Variants in FERMT1 observed in about 807,000 individuals in gnomAD.
FERMT1 encodes the protein fermitin family homolog 1.
In FERMT1, 60 loss-of-function variants were observed where a neutral mutation model predicts 85.3. That is an observed-to-expected ratio of 0.70 (90% confidence interval 0.57 to 0.87). The LOEUF (loss-of-function observed/expected upper bound fraction) is 0.87, where lower values mean the gene tolerates loss of function less well. Ranked by LOEUF, FERMT1 falls within the 40% of genes least tolerant of loss-of-function variation. FERMT1 has a pLI of 0.00. For missense variants in FERMT1, 701 were observed against 818.9 expected, an observed-to-expected ratio of 0.86 and a Z score of 1.76; for synonymous variants, 275 against 301.1, an observed-to-expected ratio of 0.91 and a Z score of 0.90.
chr20:6,111,334 G>A (rs1182001753), intron 4 of FERMT1, among the ~76,000 whole-genome samples: 1 of 152,176 alleles, frequency 6.6e-6, no homozygotes, highest in Non-Finnish European at 1.5e-5. Flanking sequence ...CACTATGCAA[G>A]AAAGCCCTCA....
chr20:6,082,233 C>T (rs766269324), intron 13 of FERMT1, among the ~76,000 whole-genome samples: 1 of 152,194 alleles, frequency 6.6e-6, no homozygotes, highest in African/African-American at 2.4e-5. Flanking sequence ...GAAAGTTGTT[C>T]AGGCCCACAC....
chr20:6,116,493 C>G (rs938461432), intron 2 of FERMT1, among the ~76,000 whole-genome samples: 1 of 152,062 alleles, frequency 6.6e-6, no homozygotes, highest in Non-Finnish European at 1.5e-5. Context: ...CTTTGGGAGG[C>G]TGATGCAAGC....
At chr20:6,113,572 G>A (rs1041626947) in intron 3 of FERMT1, among the ~76,000 whole-genome samples, 2 of 152,110 alleles carry the variant, frequency 1.3e-5, no homozygotes, top group Admixed American at 6.6e-5. Context: ...GCTTCTGGCG[G>A]AATCTAGACC....
chr20:6,092,536 T>G (rs548602654), intron 9 of FERMT1, among the ~76,000 whole-genome samples: 33 of 150,278 alleles, frequency 2.2e-4, no homozygotes, highest in African/African-American at 8.0e-4. Context: ...GAACGAGACT[T>G]TGTCTCAAAA....
At chr20:6,086,956 C>T (rs6085393) in intron 11 of FERMT1, among the ~76,000 whole-genome samples, 48,717 of 151,928 alleles carry the variant, frequency 0.32, 7,997 homozygotes, top group South Asian at 0.49. Flanking sequence ...CCACAACCTT[C>T]GCCATATAAC....
At chr20:6,089,958 G>A (rs535530569) in intron 9 of FERMT1, among the ~76,000 whole-genome samples, 7 of 152,324 alleles carry the variant, frequency 4.6e-5, no homozygotes, top group Admixed American at 1.3e-4. Flanking sequence ...AAACCTGGCC[G>A]TGGGGGCAGA....
intron 13 of FERMT1, among the ~76,000 whole-genome samples, chr20:6,083,071 C>T (rs765813814): frequency 1.8e-4 from 28 of 152,134 alleles, no homozygotes; most frequent in Non-Finnish European, 3.1e-4. Context: ...ATTATCCCAC[C>T]CCGAAATTAT....
intron 3 of FERMT1, among the ~76,000 whole-genome samples, chr20:6,114,362 A>T (rs1209614318): frequency 6.6e-6 from 1 of 152,226 alleles, no homozygotes; most frequent in Non-Finnish European, 1.5e-5. Context: ...AATTGATAAG[A>T]TATAAAATGC....
chr20:6,098,969 T>G (rs1018163959), intron 6 of FERMT1, among the ~76,000 whole-genome samples: 5 of 152,156 alleles, frequency 3.3e-5, no homozygotes, highest in Non-Finnish European at 5.9e-5. Context: ...CCAAACAAAC[T>G]GAAAGTGGCA....
Position 6,115,840 on chromosome 20 carries a change from T to C in FERMT1, c.356A>G (p.Lys119Arg). 2 of 1,614,140 alleles carry C rather than the reference T, an allele frequency of 1.2e-6. No individual in the cohort carries two copies. Among genetic ancestry groups the C allele is most frequent in the Non-Finnish European group, 1.7e-6 (2 of 1,180,008 alleles). ...GATTTTGCAGATATCACTGACAGCTTTAAAAACCACAGCTGAGAAGCTGAC... is the reference window on the plus strand; with the variant it reads ...GATTTTGCAGATATCACTGACAGCTCTAAAAACCACAGCTGAGAAGCTGAC... ...LRVSFSAVVF[K>R]AVSDICKILN... Residue 119 changes from lysine to arginine, a missense_variant, in exon 3 of 15, where the codon AAA becomes AGA. Physicochemically the swap from Lys to Arg is conservative, Grantham distance 26. Transcript: ENST00000217289.
intron 13 of FERMT1, among the ~76,000 whole-genome samples, chr20:6,082,130 G>A (rs1982013790): frequency 6.6e-6 from 1 of 152,184 alleles, no homozygotes; most frequent in Non-Finnish European, 1.5e-5. Context: ...CTACACCTGG[G>A]CCCACTGCCT....
chr20:6,097,081 T>C (rs779799355), intron 7 of FERMT1, 48 bp from the exon 8 acceptor site: 4 of 1,233,522 alleles, frequency 3.2e-6, no homozygotes, highest in South Asian at 1.4e-5. Context: ...AGAAATGTTA[T>C]AAATATAAAT....
intron 7 of FERMT1, 46 bp downstream of exon 7, chr20:6,097,478 A>G (rs1299728865): frequency 7.3e-7 from 1 of 1,362,076 alleles, no homozygotes; most frequent in African/African-American, 1.4e-5. Context: ...AGCAGAACAA[A>G]CTTGGTTTGT....
At chr20:6,118,079 T>C (rs1197382981) in intron 2 of FERMT1, among the ~76,000 whole-genome samples, 3 of 152,222 alleles carry the variant, frequency 2.0e-5, no homozygotes, top group Non-Finnish European at 4.4e-5. Context: ...AAATGATCTC[T>C]GAAAGACAGG....
intron 9 of FERMT1, among the ~76,000 whole-genome samples, chr20:6,090,652 T>C (rs1433539240): frequency 1.3e-5 from 2 of 151,878 alleles, no homozygotes; most frequent in Non-Finnish European, 2.9e-5. Context: ...TGTGGGAGGA[T>C]TGGTTAAGCC....
intron 2 of FERMT1, among the ~76,000 whole-genome samples, chr20:6,117,273 A>C (rs1025470533): frequency 3.9e-5 from 6 of 151,920 alleles, no homozygotes; most frequent in African/African-American, 1.5e-4. Context: ...TTAAATTAGA[A>C]ACTCTTTTTT....
In FERMT1 at chr20:6,083,245, G is replaced by C. The variant is rs532823155; in HGVS notation, c.1718+795C>G. The stretch of plus-strand genomic sequence containing the variant: ...TTGTATACAGTGGGGCAGAGCCATA[G>C]TGCTAGGCGGGGATAACAAATGAGG... On this transcript the variant is annotated intron_variant, in intron 13 of 14. Transcript: ENST00000217289. Among the ~76,000 whole-genome samples, 920 of 152,296 alleles carry C rather than the reference G, an allele frequency of 6.0e-3. 6 individuals are homozygous for C. The highest frequency in any genetic ancestry group is 9.4e-3 in the Non-Finnish European group (639 of 68,030).
chr20:6,086,126 G>C (rs1331499142), intron 11 of FERMT1, among the ~76,000 whole-genome samples: 2 of 150,328 alleles, frequency 1.3e-5, no homozygotes, highest in Admixed American at 1.3e-4. Context: ...TGGTGACAGA[G>C]CGAGACTCCA....
At chr20:6,098,262 G>A (rs1342572608) in intron 6 of FERMT1, among the ~76,000 whole-genome samples, 2 of 152,112 alleles carry the variant, frequency 1.3e-5, no homozygotes, top group African/African-American at 2.4e-5. Flanking sequence ...AGTAAACAGT[G>A]TAATAGAAGG....
Sources: gnomAD v4.1 joint callset for allele counts (sites outside exome capture counted in the v4.1 genomes callset) on GRCh38, gnomAD v4.1.1 for gene constraint, MANE v1.5 for transcripts, NCBI Gene and HGNC (gene_info 2026-07-23, HGNC 2026-07-21) for gene names.